The following ZAN variants were observed in gnomAD, a reference collection of about 807,000 sequenced individuals.
The protein encoded by ZAN is zonadhesin (gene/pseudogene).
A neutral mutation model predicts 286.2 loss-of-function variants in ZAN; 260 were observed. That is an observed-to-expected ratio of 0.91 (90% CI 0.82 to 1.01). ZAN has a LOEUF of 1.01. ZAN is among the 50% of genes least tolerant of loss of function. The pLI, the probability that ZAN is intolerant of heterozygous loss-of-function variation, is 0.00. For missense variants in ZAN, 3,410 were observed against 3,639.2 expected (o/e 0.94, Z 1.62); for synonymous variants, 1,368 against 1,417.5 (o/e 0.97, Z 0.79).
chr7:100,768,544 G>A (rs1004024680), intron 26 of ZAN, 66 bp from the exon 27 acceptor site: 3 of 1,335,812 alleles, frequency 2.2e-6, no homozygotes, highest in Admixed American at 2.4e-5. Flanking sequence ...CCAGGAGGAT[G>A]GTGGCCCTGG....
At position 100,797,599 on chromosome 7, in the gene ZAN, A is replaced by G. The variant is rs767336139; in HGVS notation, c.8389A>G (p.Arg2797Gly). ...RKREKTQEGD[R>G]LARLVDTDTV... Reference sequence around the variant, plus strand: ...TAGAGAGAAAACGCAGGAGGGAGACAGACTGGCCAGGCTGGTGGACACAGG... The same window carrying G: ...TAGAGAGAAAACGCAGGAGGGAGACGGACTGGCCAGGCTGGTGGACACAGG... The change falls in exon 47 of 48, where the codon AGA becomes GGA. Residue 2797 changes from arginine (R) to glycine (G), a missense_variant. Physicochemically the swap from Arg to Gly is moderately radical, Grantham distance 125. Transcript: ENST00000613979. 14 of 1,613,952 alleles carry G rather than the reference A, an allele frequency of 8.7e-6. No homozygotes were observed. In the South Asian group the frequency reaches 1.4e-4, roughly 16 times the overall value.
chr7:100,796,157 T>A (rs953791821), intron 45 of ZAN, among the ~76,000 whole-genome samples: 31 of 152,048 alleles, frequency 2.0e-4, no homozygotes, highest in Admixed American at 5.9e-4. Flanking sequence ...CTGTGAAATC[T>A]TCTCTCTGAA....
chr7:100,755,954 G>T (rs1003364673), intron 15 of ZAN, among the ~76,000 whole-genome samples: 1 of 151,782 alleles, frequency 6.6e-6, no homozygotes, highest in Non-Finnish European at 1.5e-5. Context: ...GCAGTGGCAC[G>T]ATCTTAGCTC....
In ZAN at chr7:100,792,994, A is replaced by AAAG. The variant is rs1812096624; in HGVS notation, c.7787+517_7787+518insGAA. On this transcript the variant is annotated intron_variant, in intron 42 of 47. Coordinates refer to ENST00000613979, the MANE Select transcript of ZAN (RefSeq NM_003386.3). The stretch of plus-strand genomic sequence containing the variant: ...CAACATCCTATCTCAAAAAAAAAAA[A>AAAG]AAAGAAAGAAAGAAAGAAAGAACGA... Among the ~76,000 whole-genome samples, 9 of 120,234 alleles carry AAAG rather than the reference A, an allele frequency of 7.5e-5. No homozygotes were observed. In the East Asian group the frequency reaches 9.0e-4, roughly 12 times the overall value. 78.9% of individuals were successfully genotyped at this position (120,234 alleles called of 152,430 possible).
Position 100,767,180 on chromosome 7 carries a change from G to A in ZAN, c.4783G>A (p.Glu1595Lys). Residue 1595 changes from glutamate to lysine, a missense_variant, in exon 25 of 48, where the codon GAG becomes AAG. Glu to Lys is a moderately conservative substitution (Grantham distance 56, BLOSUM62 1). This residue lies in a region of ZAN where 1,042 missense variants were observed against 1,058.0 expected (regional missense o/e 0.98). Transcript: ENST00000613979. ...CAACGAGAACCGCGGGGGGATCCTG[G>A]AGGTCTCCTACATCAAAGCCGTCCA... ...ATNENRGGIL[E>K]VSYIKAVHVT... The A allele has an allele frequency of 6.2e-7, 1 of 1,613,688 alleles. No homozygotes were observed. The highest frequency in any genetic ancestry group is 8.5e-7 in the Non-Finnish European group (1 of 1,179,872).
At position 100,764,189 on chromosome 7, in the gene ZAN, C is replaced by T; in HGVS notation, c.4260C>T (p.His1420=). The T allele has an allele frequency of 6.4e-7, 1 of 1,559,152 alleles. No homozygotes were observed. Among genetic ancestry groups the T allele is most frequent in the South Asian group, 1.2e-5 (1 of 85,542 alleles). ...CTGTGAAGCCCTGGAGGGAACCCCACTTCTGCCGTGAGTTGTGCCAAACTC... is the reference window on the plus strand; with the variant it reads ...CTGTGAAGCCCTGGAGGGAACCCCATTTCTGCCGTGAGTTGTGCCAAACTC... ...GHAVKPWREP[H]FCPMACPPNS... is the part of the protein sequence containing the mutation. The change falls in exon 22 of 48, where the codon CAC becomes CAT. Residue 1420 remains histidine (H), a synonymous_variant. Transcript: ENST00000613979.
chr7:100,771,172 T>C (rs902875623), intron 28 of ZAN, among the ~76,000 whole-genome samples: 1 of 152,156 alleles, frequency 6.6e-6, no homozygotes, highest in Non-Finnish European at 1.5e-5. Flanking sequence ...ACTCCTGGGC[T>C]CAAGTGATTC....
At chr7:100,758,368 C>T (rs775463748) in intron 16 of ZAN, 25 bp downstream of exon 16, 3 of 1,606,516 alleles carry the variant, frequency 1.9e-6, no homozygotes, top group African/African-American at 1.3e-5. Flanking sequence ...CCATGCTGTC[C>T]CTGCCTGCCA....
chr7:100,763,774 T>C lies in ZAN; in HGVS notation c.3987-32T>C, dbSNP rs1410215241. 3 of 1,605,918 alleles carry C rather than the reference T, an allele frequency of 1.9e-6. No individual in the cohort carries two copies. The highest frequency in any genetic ancestry group is 2.2e-5 in the East Asian group (1 of 44,830). ...AGGGATGAGCTGGAAGCGAGCTTTG[T>C]CTTTAGGGAGTTTGGGGTGGGTCTC... On this transcript the variant is annotated intron_variant, in intron 20 of 47. Transcript: ENST00000613979. This position sits in a 1 kb window ranked among gnomAD's most constrained non-coding sequence, Gnocchi z 4.6.
chr7:100,783,809 T>TATATACAC, intron 35 of ZAN, among the ~76,000 whole-genome samples: 1 of 48,404 alleles, frequency 2.1e-5, no homozygotes, highest in African/African-American at 4.9e-5. Flanking sequence ...TACACACATA[T>TATATACAC]ATATATACAT....
At chr7:100,795,164 C>A (rs755867067) in intron 44 of ZAN, 32 bp from the exon 45 acceptor site, 15 of 1,591,412 alleles carry the variant, frequency 9.4e-6, no homozygotes, top group Non-Finnish European at 1.1e-5. Flanking sequence ...CCTCCCAGGG[C>A]CCCCCTCCCA....
chr7:100,769,044 G>C (rs1810202157), intron 27 of ZAN, among the ~76,000 whole-genome samples: 1 of 151,884 alleles, frequency 6.6e-6, no homozygotes, highest in East Asian at 1.9e-4. Context: ...GCACCGTTTT[G>C]TCCTCTTCTC....
chr7:100,747,494 A>C (rs1808312387), intron 8 of ZAN, 56 bp from the exon 9 acceptor site: 2 of 1,496,724 alleles, frequency 1.3e-6, no homozygotes, highest in South Asian at 2.3e-5. Flanking sequence ...GTATAGTTCA[A>C]AGTCGTTTCC....
rs756476991 is a variant in ZAN at position 100,789,304 on chromosome 7, C to A, written c.7314C>A (p.Thr2438=). ...GGGGCCAACGGCTCTACCTGGTCAC[C>A]GACTTTGAGCTGGTCGTCAGCTTTG... ...TLWGQRLYLV[T]DFELVVSFGG... is the part of the protein sequence containing the mutation. Residue 2438 remains threonine (T), a synonymous_variant, in exon 39 of 48, where the codon ACC becomes ACA. Transcript: ENST00000613979. 21 of 1,613,726 alleles carry A rather than the reference C, an allele frequency of 1.3e-5. 1 individual carries two copies. Among genetic ancestry groups the A allele is most frequent in the African/African-American group, 8.0e-5 (6 of 74,896 alleles).
At chr7:100,779,357 G>T (rs1448536483) in intron 34 of ZAN, 89 bp from the exon 35 acceptor site, 18 of 1,358,590 alleles carry the variant, frequency 1.3e-5, no homozygotes, top group South Asian at 1.3e-4. Flanking sequence ...CAGCCTGGGT[G>T]ACAGAGCAAG....
intron 6 of ZAN, among the ~76,000 whole-genome samples, chr7:100,737,705 C>CAA (rs540200393): frequency 1.0e-5 from 1 of 100,100 alleles, no homozygotes; most frequent in Non-Finnish European, 2.2e-5. Flanking sequence ...GACTCCGTCT[C>CAA]AAAAAAAAAA....
At position 100,762,412 on chromosome 7, in the gene ZAN, G is replaced by C. The variant is rs544584347; in HGVS notation, c.3986+54G>C. ...CTGGGAAGGTTCCGTCCCCTTCCTG[G>C]AACTCTCTTTTTTTTTTTTTTTTTT... is the stretch of plus-strand genomic sequence containing the variant. On this transcript the variant is annotated intron_variant, in intron 20 of 47. Transcript: ENST00000613979. 3,938 of 1,316,684 alleles carry C rather than the reference G, an allele frequency of 3.0e-3. 11 individuals carry two copies. The highest frequency in any genetic ancestry group is 3.7e-3 in the Non-Finnish European group (3,667 of 986,960). The allele number at this position is 1,316,684 out of a possible 1,614,324, so 81.6% of individuals were successfully genotyped here. A position where few individuals can be genotyped will look rare whatever the true frequency, so the allele number is the denominator to read the frequency against.
chr7:100,755,523 A>G (rs2115890179), intron 15 of ZAN, 113 bp downstream of exon 15: 1 of 1,258,316 alleles, frequency 7.9e-7, no homozygotes, highest in South Asian at 1.4e-5. Flanking sequence ...GATAGTCCCA[A>G]GGGGTCAGCT....
rs1310561944 is a variant in ZAN, at chr7:100,762,217, C to G, written c.3845C>G (p.Thr1282Arg). The change falls in exon 20 of 48, where the codon ACA becomes AGA. Residue 1282 changes from threonine to arginine, a missense_variant and splice_region_variant. Physicochemically the swap from Thr to Arg is moderately conservative, Grantham distance 71. This residue lies in a region of ZAN where 1,042 missense variants were observed against 1,058.0 expected (regional missense o/e 0.98). Coordinates refer to ENST00000613979, the MANE Select transcript of ZAN (RefSeq NM_003386.3). ...CAGCTCCTCTCCTGTTCCCCTAGCA[C>G]ATACTCTGGCAAACTCTGTGGTTTG... ...DQQLYVTVSS[T>R]YSGKLCGLCG... The G allele has an allele frequency of 6.2e-7, 1 of 1,612,990 alleles. No individual in the cohort carries two copies. Among genetic ancestry groups the G allele is most frequent in the Non-Finnish European group, 8.5e-7 (1 of 1,179,396 alleles).
Sources: gnomAD v4.1 joint callset for allele counts (sites outside exome capture counted in the v4.1 genomes callset) on GRCh38, gnomAD v4.1.1 for gene constraint, gnomAD v4.1.1 regional missense constraint, Gnocchi (gnomAD v3.1) non-coding constraint, MANE v1.5 for transcripts, NCBI Gene and HGNC (gene_info 2026-07-23, HGNC 2026-07-21) for gene names.